Variants in SYN2 observed in about 807,000 individuals in gnomAD.
SYN2 encodes the protein synapsin-2.
A neutral mutation model predicts 50.9 loss-of-function variants in SYN2; 19 were observed. That is an observed-to-expected ratio of 0.37 (90% CI 0.26 to 0.55). The LOEUF (loss-of-function observed/expected upper bound fraction) is 0.55, where lower values mean the gene tolerates loss of function less well. SYN2 is among the 20% of genes least tolerant of loss of function. The pLI is 0.81. For synonymous variants in SYN2, 255 were observed against 224.9 expected (o/e 1.13, Z -1.20); for missense variants, 587 against 576.4 (o/e 1.02, Z -0.19).
Position 12,013,037 on chromosome 3 carries a change from G to A in SYN2, c.377+8109G>A, listed in dbSNP as rs559069304. Among the ~76,000 whole-genome samples, 25 of 152,328 alleles carry A rather than the reference G, an allele frequency of 1.6e-4. No individual in the cohort carries two copies. In the South Asian group the frequency reaches 5.2e-3, roughly 32 times the overall value. On this transcript the variant is annotated intron_variant, in intron 1 of 12. Transcript: ENST00000621198. ...GGGAACCTAATTGCTAAATCCAGAG[G>A]AAGGTGTCAAATGTTCACTGATGTG... is the stretch of plus-strand genomic sequence containing the variant.
intron 1 of SYN2, among the ~76,000 whole-genome samples, chr3:12,048,305 C>T (rs887067167): frequency 2.0e-5 from 3 of 152,192 alleles, no homozygotes; most frequent in Admixed American, 6.5e-5. Flanking sequence ...GTAGCTGGGA[C>T]GACGGGTGTG....
intron 5 of SYN2, chr3:12,153,169 C>T (rs531312010): frequency 4.3e-5 from 16 of 373,150 alleles, no homozygotes; most frequent in African/African-American, 2.1e-4. Context: ...GTATGACATT[C>T]GCCATTTCTC....
chr3:12,129,382 T>C (rs1347967402), intron 1 of SYN2, among the ~76,000 whole-genome samples: 1 of 152,134 alleles, frequency 6.6e-6, no homozygotes, highest in Non-Finnish European at 1.5e-5. Flanking sequence ...CCTTACCTTA[T>C]AGATGAAGAA....
chr3:12,182,235 A>AG (rs1698237363), intron 10 of SYN2, among the ~76,000 whole-genome samples: 1 of 152,168 alleles, frequency 6.6e-6, no homozygotes, highest in African/African-American at 2.4e-5. Context: ...ATGTGGGAGT[A>AG]GGGCTGAGGG....
At chr3:12,078,516 G>T (rs532214785) in intron 1 of SYN2, among the ~76,000 whole-genome samples, 3 of 152,198 alleles carry the variant, frequency 2.0e-5, no homozygotes, top group African/African-American at 7.2e-5. Flanking sequence ...TCAATTTTCT[G>T]CATATGGCTA....
intron 10 of SYN2, among the ~76,000 whole-genome samples, chr3:12,170,638 A>G (rs1026104425): frequency 8.5e-5 from 13 of 152,240 alleles, no homozygotes; most frequent in African/African-American, 2.9e-4. Context: ...TGTTTATATT[A>G]TGAAATGGGA....
At chr3:12,033,982 G>T (rs1327922821) in intron 1 of SYN2, among the ~76,000 whole-genome samples, 4 of 152,148 alleles carry the variant, frequency 2.6e-5, no homozygotes, top group Non-Finnish European at 5.9e-5. Flanking sequence ...AAATAAAGCT[G>T]TTATGAATAT....
intron 1 of SYN2, among the ~76,000 whole-genome samples, chr3:12,132,711 T>C (rs1290101054): frequency 6.6e-6 from 1 of 152,248 alleles, no homozygotes; most frequent in Non-Finnish European, 1.5e-5. Flanking sequence ...GTATCATAAA[T>C]AGGAAAGCAT....
chr3:12,086,671 C>T (rs1695708585), intron 1 of SYN2, among the ~76,000 whole-genome samples: 1 of 152,110 alleles, frequency 6.6e-6, no homozygotes, highest in South Asian at 2.1e-4. Context: ...AACTTCCTTT[C>T]TTGATAAAAA....
Position 12,182,934 on chromosome 3 carries a change from C to G in SYN2, c.1309-378C>G, listed in dbSNP as rs76789785. 3.3e-5 allele frequency among the ~76,000 whole-genome samples: 5 copies of G among 152,364 alleles called. No individual in the cohort carries two copies. The East Asian group carries it at 9.6e-4, about 29-fold the overall frequency. ...CCTCCCTTTCCTTTAGACAGCCAGG[C>G]CTGTACGTAGAAGTGGGAGCTGGAC... On this transcript the variant is annotated intron_variant, in intron 10 of 12. Coordinates refer to ENST00000621198, the MANE Select transcript of SYN2 (RefSeq NM_133625.6).
At chr3:12,161,887 G>A (rs1697656837) in intron 6 of SYN2, 125 bp from the exon 7 acceptor site, 2 of 1,351,100 alleles carry the variant, frequency 1.5e-6, no homozygotes, top group African/African-American at 2.9e-5. Context: ...GGGAGATGTG[G>A]CACCCAGATT....
intron 1 of SYN2, among the ~76,000 whole-genome samples, chr3:12,101,364 C>T (rs959233144): frequency 2.6e-5 from 4 of 152,088 alleles, no homozygotes; most frequent in African/African-American, 9.7e-5. Context: ...AAACATTATG[C>T]TAAGTGAGAG....
chr3:12,121,654 G>T (rs1213163477), intron 1 of SYN2, among the ~76,000 whole-genome samples: 1 of 148,838 alleles, frequency 6.7e-6, no homozygotes, highest in Admixed American at 6.7e-5. Flanking sequence ...GTAAGGGGAA[G>T]GGAAGGAGAA....
At chr3:12,099,057 C>T (rs1481650464) in intron 1 of SYN2, among the ~76,000 whole-genome samples, 1 of 151,848 alleles carries the variant, frequency 6.6e-6, no homozygotes, top group Non-Finnish European at 1.5e-5. Context: ...AGAGCTTCAA[C>T]ATACATGAAG....
At chr3:12,156,950 A>G (rs767828618) in intron 5 of SYN2, 1 of 1,577,388 alleles carries the variant, frequency 6.3e-7, no homozygotes, top group Non-Finnish European at 8.7e-7. Context: ...AGGCAATTAC[A>G]AAAAAAGGCA....
intron 1 of SYN2, among the ~76,000 whole-genome samples, chr3:12,129,559 G>A (rs1324894397): frequency 1.3e-5 from 2 of 151,862 alleles, no homozygotes; most frequent in East Asian, 3.9e-4. Context: ...TTTTTTCTGT[G>A]TAACATGGTG....
intron 1 of SYN2, among the ~76,000 whole-genome samples, chr3:12,005,979 A>G (rs1693794189): frequency 6.7e-6 from 1 of 149,450 alleles, no homozygotes; most frequent in African/African-American, 2.5e-5. Context: ...TTCTCCAGGA[A>G]TGTGAGCAAG....
intron 1 of SYN2, among the ~76,000 whole-genome samples, chr3:12,066,508 C>T (rs1184309546): frequency 2.6e-5 from 4 of 152,190 alleles, no homozygotes; most frequent in East Asian, 1.9e-4. Flanking sequence ...CACCAAAACT[C>T]TTGGCGGCAT....
At chr3:12,126,648 A>G (rs1233903027) in intron 1 of SYN2, among the ~76,000 whole-genome samples, 2 of 152,194 alleles carry the variant, frequency 1.3e-5, no homozygotes, top group African/African-American at 4.8e-5. Flanking sequence ...TCAAATCCTG[A>G]ATCTTCCACC....
Sources: gnomAD v4.1 joint callset for allele counts (sites outside exome capture counted in the v4.1 genomes callset) on GRCh38, gnomAD v4.1.1 for gene constraint, MANE v1.5 for transcripts, NCBI Gene and HGNC (gene_info 2026-07-23, HGNC 2026-07-21) for gene names.